The following LARP4B variants were observed in gnomAD, a reference collection of about 807,000 sequenced individuals.
LARP4B encodes La ribonucleoprotein 4B, also known as la-related protein 4B.
Under a neutral mutation model 89.8 loss-of-function variants are expected in LARP4B, and 12 were observed. The ratio of observed to expected loss-of-function variants is 0.13; its 90% CI spans 0.09 to 0.22. The LOEUF (loss-of-function observed/expected upper bound fraction) is 0.22, where lower values mean the gene tolerates loss of function less well. Among genes scored for constraint, LARP4B ranks in the 10% least tolerant of loss-of-function variants. The pLI, the probability that LARP4B is intolerant of heterozygous loss-of-function variation, is 1.00. For synonymous variants in LARP4B, 367 were observed against 363.3 expected, an observed-to-expected ratio of 1.01 and a Z score of -0.12; for missense variants, 757 against 947.7, an observed-to-expected ratio of 0.80 and a Z score of 2.64.
chr10:954,697 T>C, the LARP4B span, among the ~76,000 whole-genome samples: 1 of 152,056 alleles, frequency 6.6e-6, no homozygotes, highest in African/African-American at 2.4e-5. This position sits in a 1 kb window ranked among gnomAD's most constrained non-coding sequence, Gnocchi z 5.0. Context: ...GCCGGGCGCA[T>C]TCGCTCACTG....
chr10:928,709 A>G (rs564919329), intron 1 of LARP4B, among the ~76,000 whole-genome samples: 1 of 152,030 alleles, frequency 6.6e-6, no homozygotes, highest in Admixed American at 6.5e-5. Flanking sequence ...AGCTTCTCCA[A>G]CAGCTGGACT....
At chr10:956,254 T>G in the LARP4B span, among the ~76,000 whole-genome samples, 6 of 152,072 alleles carry the variant, frequency 3.9e-5, no homozygotes, top group Non-Finnish European at 8.8e-5. The surrounding 1 kb of genome is among the most constrained non-coding windows in gnomAD (Gnocchi z 4.3). Flanking sequence ...CACAGTTACG[T>G]TATGGGAGTA....
the LARP4B span, among the ~76,000 whole-genome samples, chr10:974,861 A>G: frequency 0.98 from 149,706 of 152,334 alleles, 73,621 homozygotes; most frequent in Middle Eastern, 1. Flanking sequence ...TCACTGTTGC[A>G]CAGACGCTCA....
chr10:962,006 T>G, the LARP4B span, among the ~76,000 whole-genome samples: 9 of 151,878 alleles, frequency 5.9e-5, no homozygotes, highest in Admixed American at 5.3e-4. Flanking sequence ...AGAATACCAA[T>G]CCTAGGCCGG....
intron 6 of LARP4B, among the ~76,000 whole-genome samples, chr10:843,914 CA>C (rs911192666): frequency 6.6e-6 from 1 of 152,156 alleles, no homozygotes; most frequent in Admixed American, 6.5e-5. Flanking sequence ...AAAGGTGAGC[CA>C]CAAATCATCA....
intron 4 of LARP4B, 23 bp from the exon 5 acceptor site, chr10:863,906 A>G (rs763119751): frequency 2.5e-6 from 4 of 1,604,494 alleles, no homozygotes; most frequent in South Asian, 1.1e-5. Flanking sequence ...GTTTACCCCA[A>G]AAAGGCAGGG....
At chr10:891,274 C>T (rs1421331442) in intron 1 of LARP4B, among the ~76,000 whole-genome samples, 2 of 152,138 alleles carry the variant, frequency 1.3e-5, no homozygotes, top group African/African-American at 4.8e-5. Context: ...GAACTGGCTT[C>T]TTCAACACAA....
intron 1 of LARP4B, among the ~76,000 whole-genome samples, chr10:912,183 G>C (rs750315177): frequency 6.6e-6 from 1 of 152,122 alleles, no homozygotes; most frequent in Non-Finnish European, 1.5e-5. Context: ...GATTTTTAAA[G>C]ATGTAGATCA....
chr10:905,357 A>G (rs899214235), intron 1 of LARP4B, among the ~76,000 whole-genome samples: 1 of 152,226 alleles, frequency 6.6e-6, no homozygotes. Context: ...TCTTGAATTT[A>G]ATATTCCTAA....
At chr10:865,427 TAA>T (rs1285959260) in intron 3 of LARP4B, among the ~76,000 whole-genome samples, 1 of 152,068 alleles carries the variant, frequency 6.6e-6, no homozygotes, top group Non-Finnish European at 1.5e-5. Flanking sequence ...TCATTTGGAG[TAA>T]AAGACGAAGT....
At chr10:969,137 G>C in the LARP4B span, among the ~76,000 whole-genome samples, 1 of 152,186 alleles carries the variant, frequency 6.6e-6, no homozygotes, top group Non-Finnish European at 1.5e-5. Context: ...ATAATTTCTG[G>C]ATTGGATAGG....
chr10:860,341 T>A (rs537857085), intron 5 of LARP4B, among the ~76,000 whole-genome samples: 1 of 152,208 alleles, frequency 6.6e-6, no homozygotes. Context: ...ATAAGGGTCA[T>A]AAGGATGTGG....
chr10:964,466 G>C, the LARP4B span, among the ~76,000 whole-genome samples: 570 of 152,000 alleles, frequency 3.7e-3, 3 homozygotes, highest in African/African-American at 0.013. Flanking sequence ...CCAGAAATCT[G>C]TGGATTAGGG....
At chr10:973,109 T>A in the LARP4B span, 1 of 358,094 alleles carries the variant, frequency 2.8e-6, no homozygotes, top group East Asian at 7.4e-5. Context: ...TTGCAGAGAG[T>A]AAAGGAGCTC....
the LARP4B span, chr10:988,221 G>T: frequency 2.2e-6 from 1 of 460,686 alleles, no homozygotes; most frequent in Non-Finnish European, 3.9e-6. Context: ...CAGGAATTTA[G>T]TCTCCGCGCT....
the LARP4B span, chr10:972,356 C>T: frequency 1.1e-4 from 45 of 400,396 alleles, no homozygotes; most frequent in Middle Eastern, 6.1e-4. Context: ...CCACTTCCAC[C>T]AGGGGAAGGC....
chr10:960,399 A>AGGGAGGCGCTGGGTATGGT, the LARP4B span, among the ~76,000 whole-genome samples: 1 of 152,032 alleles, frequency 6.6e-6, no homozygotes, highest in Non-Finnish European at 1.5e-5. Flanking sequence ...TAAGAACGGG[A>AGGGAGGCGCTGGGTATGGT]GGGAGGCGCT....
chr10:823,918 A>C (rs1422997014), intron 13 of LARP4B, among the ~76,000 whole-genome samples: 2 of 152,096 alleles, frequency 1.3e-5, no homozygotes, highest in African/African-American at 4.8e-5. Context: ...GGTGCCTTCC[A>C]ATGCCACTGC....
intron 5 of LARP4B, among the ~76,000 whole-genome samples, chr10:847,525 T>G: frequency 8.7e-6 from 1 of 114,636 alleles, no homozygotes; most frequent in Admixed American, 8.7e-5. Context: ...AACTTTTTTC[T>G]TTTTTTTTTT....
Sources: gnomAD v4.1 joint callset for allele counts (sites outside exome capture counted in the v4.1 genomes callset) on GRCh38, gnomAD v4.1.1 for gene constraint, Gnocchi (gnomAD v3.1) non-coding constraint, MANE v1.5 for transcripts, NCBI Gene and HGNC (gene_info 2026-07-23, HGNC 2026-07-21) for gene names.